Variants in TAB3 observed in about 807,000 individuals in gnomAD.
TAB3 encodes TGF-beta-activated kinase 1 and MAP3K7-binding protein 3.
In TAB3, 18 loss-of-function variants were observed where a neutral mutation model predicts 48.1. The ratio of observed to expected loss-of-function variants is 0.37; its 90% CI spans 0.26 to 0.55. The LOEUF (loss-of-function observed/expected upper bound fraction) is 0.55. TAB3 is among the 20% of genes least tolerant of loss of function. The probability of loss-of-function intolerance (pLI) is 0.78; values close to 1 mark genes in which losing one functional copy is unlikely to be tolerated. For missense variants in TAB3, 414 were observed against 549.8 expected, an observed-to-expected ratio of 0.75 and a Z score of 2.47; for synonymous variants, 185 against 190.2, an observed-to-expected ratio of 0.97 and a Z score of 0.22.
intron 1 of TAB3, among the ~76,000 whole-genome samples, chrX:30,877,276 T>G (rs1433962042): frequency 9.0e-6 from 1 of 111,528 alleles, no homozygotes; most frequent in African/African-American, 3.3e-5. Context: ...AAATACAGGC[T>G]CAGACAAATA....
At chrX:30,869,081 G>A (rs1395475406) in intron 2 of TAB3, among the ~76,000 whole-genome samples, 2 of 103,730 alleles carry the variant, frequency 1.9e-5, no homozygotes, top group Admixed American at 1.0e-4. Context: ...TTTTTTTTGA[G>A]ATGGAGTTTT....
intron 9 of TAB3, among the ~76,000 whole-genome samples, chrX:30,839,940 A>C (rs1266721896): frequency 4.3e-5 from 4 of 92,598 alleles, no homozygotes; most frequent in Non-Finnish European, 8.4e-5. Flanking sequence ...ATATATATAT[A>C]TATAATATAT....
intron 1 of TAB3, among the ~76,000 whole-genome samples, 151 bp downstream of exon 1, chrX:30,888,963 G>A: frequency 8.8e-6 from 1 of 113,292 alleles, no homozygotes; most frequent in Admixed American, 9.1e-5. Flanking sequence ...AGTTCCCGCT[G>A]TCAGCCGCAG....
At chrX:30,835,571 G>C (rs1232447678) in intron 9 of TAB3, 1 of 111,690 alleles carries the variant, frequency 9.0e-6, no homozygotes, top group African/African-American at 3.3e-5. Flanking sequence ...CTTGCTTACT[G>C]ATGAAGGTTG....
At position 30,830,775 on chromosome X, in the gene TAB3, C is replaced by T. The variant is rs1399012824; in HGVS notation, c.*652G>A. On this transcript the variant is annotated 3_prime_UTR_variant, in exon 11 of 11. Coordinates refer to ENST00000288422, the MANE Select transcript of TAB3 (RefSeq NM_152787.5). ...AGGCATCTTACCACCTCTGATTGTA[C>T]TTTTAAACAAAGGCATGATATGCCT... The T allele has an allele frequency of 8.9e-6, 1 of 111,778 alleles. No homozygotes were observed. Among genetic ancestry groups the T allele is most frequent in the East Asian group, 2.8e-4 (1 of 3,559 alleles). The allele number at this position is 111,778 out of a possible 1,213,427, so 9.2% of individuals were successfully genotyped here.
At chrX:30,832,973 CTT>C (rs771088514) in intron 10 of TAB3, among the ~76,000 whole-genome samples, 6 of 97,852 alleles carry the variant, frequency 6.1e-5, no homozygotes. Flanking sequence ...TTCTTTCTTT[CTT>C]TTTTTTTTTT....
chrX:30,834,204 A>G, intron 9 of TAB3, 52 bp from the exon 10 acceptor site: 2 of 1,065,989 alleles, frequency 1.9e-6, no homozygotes, highest in Non-Finnish European at 2.6e-6. Context: ...TTTCAACTGC[A>G]AGAGTGAACA....
Position 30,830,092 on chromosome X carries a change from C to G in TAB3, c.*1335G>C, listed in dbSNP as rs1034303793. Reference sequence around the variant, plus strand: ...CGATGCACCCTAGTGAGTCACATGACTTTATATCTCTTATCCGCACCCTGA... The same window carrying G: ...CGATGCACCCTAGTGAGTCACATGAGTTTATATCTCTTATCCGCACCCTGA... On this transcript the variant is annotated 3_prime_UTR_variant, in exon 11 of 11. Transcript: ENST00000288422. 6.3e-5 allele frequency: 7 copies of G among 111,382 alleles called. No individual in the cohort carries two copies. The highest frequency in any genetic ancestry group is 2.3e-4 in the African/African-American group (7 of 30,632). The allele number at this position is 111,382 out of a possible 1,213,427, so 9.2% of individuals were successfully genotyped here.
intron 1 of TAB3, among the ~76,000 whole-genome samples, chrX:30,882,493 T>C (rs1940023897): frequency 8.9e-6 from 1 of 112,175 alleles, no homozygotes; most frequent in African/African-American, 3.2e-5. Context: ...TCCATCACCA[T>C]AGTGTTCTTT....
intron 4 of TAB3, among the ~76,000 whole-genome samples, chrX:30,864,949 G>A (rs1479566293): frequency 2.7e-5 from 3 of 111,746 alleles, no homozygotes; most frequent in Admixed American, 9.5e-5. Context: ...CTTTTAGGAA[G>A]GACAGTTTGC....
chrX:30,859,855 G>A, intron 4 of TAB3, 177 bp from the exon 5 acceptor site: 1 of 354,655 alleles, frequency 2.8e-6, no homozygotes, highest in Non-Finnish European at 4.8e-6. Flanking sequence ...AGCAGGCTGT[G>A]CTTACCCTCA....
At chrX:30,869,959 C>T (rs769816016) in intron 2 of TAB3, among the ~76,000 whole-genome samples, 8 of 112,376 alleles carry the variant, frequency 7.1e-5, no homozygotes, top group Admixed American at 3.8e-4. Flanking sequence ...TACTAGATCA[C>T]GATTAAAATG....
At chrX:30,873,462 TTGCAG>T (rs1939725887) in intron 1 of TAB3, among the ~76,000 whole-genome samples, 1 of 105,390 alleles carries the variant, frequency 9.5e-6, no homozygotes. Flanking sequence ...GAGGCGGAGC[TTGCAG>T]TGAGCGGAGA....
rs1275700870 is a variant in TAB3, at chrX:30,830,351, A to G, written c.*1076T>C. On this transcript the variant is annotated 3_prime_UTR_variant, in exon 11 of 11. Coordinates refer to ENST00000288422, the MANE Select transcript of TAB3 (RefSeq NM_152787.5). ...ACTGGTTTGTTAACATATGCAAGTA[A>G]GTTTTTATTGAACAGTTAATATTGA... 5.4e-5 allele frequency: 6 copies of G among 112,075 alleles called. No homozygotes were observed. The highest frequency in any genetic ancestry group is 1.1e-4 in the Non-Finnish European group (6 of 53,185). The allele number at this position is 112,075 out of a possible 1,213,427, so 9.2% of individuals were successfully genotyped here.
At chrX:30,881,853 T>C in intron 1 of TAB3, among the ~76,000 whole-genome samples, 2 of 112,256 alleles carry the variant, frequency 1.8e-5, no homozygotes, top group Admixed American at 1.9e-4. Flanking sequence ...CCCAATTTTC[T>C]GTAACTTCTA....
chrX:30,870,685 A>C (rs1187140211), intron 2 of TAB3, among the ~76,000 whole-genome samples: 1 of 112,599 alleles, frequency 8.9e-6, no homozygotes, highest in Admixed American at 9.4e-5. Context: ...GTAGTTCCCA[A>C]CCAGGGGTGA....
At chrX:30,843,483 TA>T (rs1465825769) in intron 8 of TAB3, 1 of 112,129 alleles carries the variant, frequency 8.9e-6, no homozygotes, top group African/African-American at 3.2e-5. Flanking sequence ...TAATTTACCT[TA>T]AAAATTCATT....
chrX:30,872,544 TAG>T (rs1304816845), intron 1 of TAB3, among the ~76,000 whole-genome samples: 1 of 112,137 alleles, frequency 8.9e-6, no homozygotes, highest in Non-Finnish European at 1.9e-5. Flanking sequence ...AGTAAAATAA[TAG>T]AGTTATACAT....
chrX:30,872,201 T>C (rs1430736939), intron 1 of TAB3, among the ~76,000 whole-genome samples: 1 of 112,030 alleles, frequency 8.9e-6, no homozygotes, highest in Admixed American at 9.5e-5. Flanking sequence ...AAAACTGTGC[T>C]GAGGCCCTTT....
Sources: allele counts gnomAD v4.1 joint callset (sites outside exome capture counted in the v4.1 genomes callset), GRCh38; gene constraint gnomAD v4.1.1; transcripts MANE v1.5; gene names NCBI Gene and HGNC (gene_info 2026-07-23, HGNC 2026-07-21).